TNFAIP8: variants seen among roughly 807,000 people sequenced by gnomAD.
TNFAIP8 encodes tumor necrosis factor alpha-induced protein 8.
TNFAIP8 carries 7 observed loss-of-function variants against 13.3 expected under a neutral mutation model. The observed-to-expected ratio is 0.52, with a 90% CI of 0.30 to 0.99. TNFAIP8 has a LOEUF of 0.99. TNFAIP8 is among the 50% of genes least tolerant of loss of function. TNFAIP8 has a pLI of 0.07. For missense variants in TNFAIP8, 258 were observed against 236.9 expected, an observed-to-expected ratio of 1.09 and a Z score of -0.58; for synonymous variants, 94 against 87.6, an observed-to-expected ratio of 1.07 and a Z score of -0.41.
intron 1 of TNFAIP8, among the ~76,000 whole-genome samples, chr5:119,329,255 T>G (rs1562003024): frequency 6.6e-6 from 1 of 152,252 alleles, no homozygotes; most frequent in Non-Finnish European, 1.5e-5. Flanking sequence ...AGTCTTCTTT[T>G]TTTGCTTCTA....
chr5:119,374,316 T>C (rs1470103257), intron 1 of TNFAIP8, among the ~76,000 whole-genome samples: 3 of 152,230 alleles, frequency 2.0e-5, no homozygotes, highest in Non-Finnish European at 4.4e-5. Context: ...ATATCAGCTC[T>C]CAAAAACTTT....
At chr5:119,321,258 G>C (rs1009197881) in intron 1 of TNFAIP8, among the ~76,000 whole-genome samples, 2 of 152,080 alleles carry the variant, frequency 1.3e-5, no homozygotes, top group Non-Finnish European at 2.9e-5. Flanking sequence ...AGTTAATTGA[G>C]AACCTTTGGG....
chr5:119,383,016 C>T (rs1038897922), intron 1 of TNFAIP8, among the ~76,000 whole-genome samples: 2 of 152,166 alleles, frequency 1.3e-5, no homozygotes, highest in African/African-American at 4.8e-5. Flanking sequence ...TCCTCAAAGC[C>T]TTTAGTATTA....
rs939968155 is a variant in TNFAIP8, at chr5:119,382,900, A to G, written c.32-9916A>G. Reference sequence around the variant, plus strand: ...AAGAACCCTAGTTAATTTGTTAGCCAATTATTTTCACTGACTTTATTCTAC... The same window carrying G: ...AAGAACCCTAGTTAATTTGTTAGCCGATTATTTTCACTGACTTTATTCTAC... On this transcript the variant is annotated intron_variant, in intron 1 of 1. Transcript: ENST00000504771. 3.9e-5 allele frequency among the ~76,000 whole-genome samples: 6 copies of G among 152,254 alleles called. No individual in the cohort carries two copies. In the East Asian group the frequency reaches 1.2e-3, roughly 29 times the overall value.
At chr5:119,323,476 G>C (rs1750125834) in intron 1 of TNFAIP8, among the ~76,000 whole-genome samples, 1 of 152,048 alleles carries the variant, frequency 6.6e-6, no homozygotes, top group Non-Finnish European at 1.5e-5. Flanking sequence ...ATAAATATTT[G>C]TTAAATAAAG....
intron 1 of TNFAIP8, among the ~76,000 whole-genome samples, chr5:119,381,269 C>T (rs779801596): frequency 9.2e-5 from 14 of 152,238 alleles, no homozygotes; most frequent in Middle Eastern, 3.4e-3. Flanking sequence ...GGCTGGGTGC[C>T]GTGGTTCACG....
At chr5:119,333,658 G>C (rs1475174421) in intron 1 of TNFAIP8, 42 of 1,486,798 alleles carry the variant, frequency 2.8e-5, no homozygotes. Flanking sequence ...TTCAGAATAT[G>C]TTTAGATATA....
At chr5:119,364,595 A>C (rs1476459728) in intron 1 of TNFAIP8, among the ~76,000 whole-genome samples, 1 of 152,008 alleles carries the variant, frequency 6.6e-6, no homozygotes, top group Non-Finnish European at 1.5e-5. Flanking sequence ...CAGTCCTCCC[A>C]CCTTGGCCTA....
intron 1 of TNFAIP8, among the ~76,000 whole-genome samples, chr5:119,339,457 G>GTT (rs397884992): frequency 6.8e-4 from 79 of 116,108 alleles, no homozygotes; most frequent in East Asian, 1.8e-3. Flanking sequence ...CTCTTGTGGT[G>GTT]TTTTTTTTTT....
At chr5:119,370,613 A>T (rs1322275703) in intron 1 of TNFAIP8, among the ~76,000 whole-genome samples, 1 of 152,262 alleles carries the variant, frequency 6.6e-6, no homozygotes, top group African/African-American at 2.4e-5. Flanking sequence ...GGTGCAAAAC[A>T]CTGGCCCCTC....
chr5:119,337,276 CT>C (rs1406077145), intron 1 of TNFAIP8, among the ~76,000 whole-genome samples: 1 of 152,176 alleles, frequency 6.6e-6, no homozygotes, highest in African/African-American at 2.4e-5. Flanking sequence ...AGCACTATTT[CT>C]TTTTTGCCAA....
At chr5:119,389,096 G>A (rs1469599276) in intron 1 of TNFAIP8, among the ~76,000 whole-genome samples, 1 of 152,136 alleles carries the variant, frequency 6.6e-6, no homozygotes, top group Non-Finnish European at 1.5e-5. Flanking sequence ...ACTTAATAAT[G>A]GACTGGGTGA....
At chr5:119,375,311 C>T (rs1752239584) in intron 1 of TNFAIP8, among the ~76,000 whole-genome samples, 1 of 152,118 alleles carries the variant, frequency 6.6e-6, no homozygotes, top group South Asian at 2.1e-4. Flanking sequence ...TAAAATAGGA[C>T]CCATGATAGA....
chr5:119,330,189 CAGAA>C (rs1424438477), intron 1 of TNFAIP8, among the ~76,000 whole-genome samples: 1 of 152,032 alleles, frequency 6.6e-6, no homozygotes, highest in East Asian at 1.9e-4. Flanking sequence ...GAAGGTTGAA[CAGAA>C]AGAAAATGAA....
At chr5:119,352,894 T>A (rs188298194), upstream of TNFAIP8, among the ~76,000 whole-genome samples, 49 of 152,236 alleles carry the variant, frequency 3.2e-4, no homozygotes, top group African/African-American at 1.1e-3. Flanking sequence ...CCCAGGTGAG[T>A]AGGGTCAATT....
intron 1 of TNFAIP8, among the ~76,000 whole-genome samples, chr5:119,284,596 G>A (rs1209465597): frequency 6.6e-6 from 1 of 151,844 alleles, no homozygotes; most frequent in Non-Finnish European, 1.5e-5. Flanking sequence ...CAGGAGAATC[G>A]CTTGAACCCA....
At chr5:119,386,482 G>T (rs112607676) in intron 1 of TNFAIP8, among the ~76,000 whole-genome samples, 3,273 of 152,236 alleles carry the variant, frequency 0.021, 44 homozygotes, top group Non-Finnish European at 0.035. Flanking sequence ...GAGTGCCTTA[G>T]ACAATTCCTA....
intron 1 of TNFAIP8, among the ~76,000 whole-genome samples, chr5:119,305,849 A>T (rs1749534143): frequency 2.6e-5 from 4 of 152,140 alleles, no homozygotes; most frequent in South Asian, 4.1e-4. Flanking sequence ...TCATTCTTGG[A>T]TGGAGGGCCA....
At chr5:119,335,093 C>T (rs996752882) in intron 1 of TNFAIP8, among the ~76,000 whole-genome samples, 1 of 152,044 alleles carries the variant, frequency 6.6e-6, no homozygotes, top group Admixed American at 6.5e-5. Flanking sequence ...CAGAGTGGCG[C>T]GTAGGAGCTT....
Sources: allele counts gnomAD v4.1 joint callset (sites outside exome capture counted in the v4.1 genomes callset), GRCh38; gene constraint gnomAD v4.1.1; transcripts MANE v1.5; gene names NCBI Gene and HGNC (gene_info 2026-07-23, HGNC 2026-07-21).